The following TCHP variants were observed in gnomAD, a reference collection of about 807,000 sequenced individuals.
The protein encoded by TCHP is trichoplein keratin filament binding.
In TCHP, 81 loss-of-function variants were observed where a neutral mutation model predicts 88.7. The observed-to-expected ratio is 0.91, with a 90% CI of 0.76 to 1.10. The LOEUF is 1.10. Ranked by LOEUF, TCHP falls within the 50% of genes least tolerant of loss-of-function variation. The probability of loss-of-function intolerance (pLI) is 0.00; values close to 1 mark genes in which losing one functional copy is unlikely to be tolerated. For missense variants in TCHP, 641 were observed against 632.1 expected (o/e 1.01, Z -0.15); for synonymous variants, 232 against 232.5 (o/e 1.00, Z 0.02).
At chr12:109,902,969 G>A (rs1869887397) in intron 1 of TCHP, 58 bp from the exon 2 acceptor site, 1 of 1,484,118 alleles carries the variant, frequency 6.7e-7, no homozygotes, top group Non-Finnish European at 9.1e-7. Flanking sequence ...ATGAGGCCAA[G>A]CTGGTGAGGG....
At chr12:109,890,511 A>ATT in the TCHP span, among the ~76,000 whole-genome samples, 2 of 137,390 alleles carry the variant, frequency 1.5e-5, no homozygotes, top group Admixed American at 7.3e-5. Flanking sequence ...TCTTTTTTCT[A>ATT]TTTTTTTTTT....
At position 109,908,642 on chromosome 12, in the gene TCHP, G is replaced by A. The variant is rs1320835032; in HGVS notation, c.756G>A (p.Glu252=). 1.2e-6 allele frequency: 2 copies of A among 1,602,270 alleles called. No homozygotes were observed. The highest frequency in any genetic ancestry group is 1.1e-5 in the South Asian group (1 of 88,262). ...TGTTGAAGCAGCGGTGGGAGCTAGA[G>A]AGGCTGGAGGAAGAGCGAAAGCAGA... ...ENLLKQRWEL[E]RLEEERKQME... Residue 252 remains glutamate, a synonymous_variant, in exon 7 of 13, where the codon GAG becomes GAA. Coordinates refer to ENST00000405876, the MANE Select transcript of TCHP (RefSeq NM_001143852.2).
the TCHP span, among the ~76,000 whole-genome samples, chr12:109,882,334 G>A: frequency 7.3e-5 from 11 of 151,708 alleles, no homozygotes. Flanking sequence ...TCAGGAGGCT[G>A]AGGCAGGGAG....
intron 12 of TCHP, 104 bp downstream of exon 12, chr12:109,915,650 G>T: frequency 7.6e-7 from 1 of 1,320,446 alleles, no homozygotes; most frequent in Non-Finnish European, 1.0e-6. Flanking sequence ...TCTGCTCTCC[G>T]GCCGTCCGGG....
In TCHP at chr12:109,914,489, C is replaced by A. The variant is rs373009867; in HGVS notation, c.1182C>A (p.Asn394Lys). 26 of 1,614,140 alleles carry A rather than the reference C, an allele frequency of 1.6e-5. No individual in the cohort carries two copies. The highest frequency in any genetic ancestry group is 3.3e-4 in the Middle Eastern group (2 of 6,054). The change falls in exon 11 of 13, where the codon AAC becomes AAA. Residue 394 changes from asparagine (N) to lysine (K), a missense_variant. By Grantham distance (94) the Asn-to-Lys change is moderately conservative (BLOSUM62 0). Transcript: ENST00000405876. ...AAATACAAGAGAAGATTGAGCAGAA[C>A]CGACGGGCACAAGAGGAATCCCTGA... Reference protein sequence around the residue: ...QQQIQEKIEQNRRAQEESLKH... With the variant: ...QQQIQEKIEQKRRAQEESLKH...
In TCHP at chr12:109,908,703, G is replaced by T. The variant is rs1565911016; in HGVS notation, c.812+5G>T. ...CCGGCAGAAGGCAGAGCTGGGGTGTGTGTCAGAAGGGCCCCCCACTCTTCC... is the reference window on the plus strand; with the variant it reads ...CCGGCAGAAGGCAGAGCTGGGGTGTTTGTCAGAAGGGCCCCCCACTCTTCC... On this transcript the variant is annotated splice_donor_5th_base_variant and intron_variant, in intron 7 of 12. Transcript: ENST00000405876. The T allele has an allele frequency of 1.9e-6, 3 of 1,588,046 alleles. No individual in the cohort carries two copies. Among genetic ancestry groups the T allele is most frequent in the Admixed American group, 1.9e-5 (1 of 53,720 alleles).
intron 11 of TCHP, 64 bp from the exon 12 acceptor site, chr12:109,915,339 T>C (rs538436494): frequency 6.2e-7 from 1 of 1,611,636 alleles, no homozygotes; most frequent in Non-Finnish European, 8.5e-7. Context: ...ACCTTCCTCA[T>C]CAGAGGCAGG....
At chr12:109,912,915 A>C (rs1870587476) in intron 9 of TCHP, 76 bp from the exon 10 acceptor site, 4 of 1,220,206 alleles carry the variant, frequency 3.3e-6, no homozygotes, top group Non-Finnish European at 4.8e-6. Flanking sequence ...TGTGCCCTGC[A>C]GCCCTGTCTG....
chr12:109,886,339 T>C, the TCHP span, among the ~76,000 whole-genome samples: 1 of 152,124 alleles, frequency 6.6e-6, no homozygotes. Context: ...GGTTTCACCA[T>C]GTTGGCCAGG....
intron 9 of TCHP, among the ~76,000 whole-genome samples, chr12:109,912,031 T>C (rs1384804341): frequency 2.0e-5 from 3 of 152,136 alleles, no homozygotes; most frequent in African/African-American, 4.8e-5. Flanking sequence ...CCTGACCTTG[T>C]GATCCGCCAG....
Position 109,903,981 on chromosome 12 carries a change from G to A in TCHP, c.233G>A (p.Arg78Lys). ...QREKMKEEKR[R>K]SLEARREKLR... ...GAGAAGATGAAGGAGGAGAAGAGGA[G>A]GAGTCTGGAGGCCCGACGGGAAAAG... The change falls in exon 3 of 13, where the codon AGG (arginine) becomes AAG (lysine). Residue 78 changes from arginine (R) to lysine (K), a missense_variant. By Grantham distance (26) the Arg-to-Lys change is conservative. Transcript: ENST00000405876. The surrounding 1 kb of genome is among the most constrained non-coding windows in gnomAD (Gnocchi z 4.6). The A allele has an allele frequency of 6.2e-7, 1 of 1,611,316 alleles. No individual in the cohort carries two copies. Among genetic ancestry groups the A allele is most frequent in the Non-Finnish European group, 8.5e-7 (1 of 1,179,008 alleles).
At chr12:109,913,134 A>G in intron 10 of TCHP, 62 bp downstream of exon 10, 10 of 1,492,588 alleles carry the variant, frequency 6.7e-6, no homozygotes, top group Admixed American at 1.7e-5. Flanking sequence ...CTGGAAGTCC[A>G]TGGTCAGTCA....
chr12:109,902,153 G>A (rs1456194268), intron 1 of TCHP, among the ~76,000 whole-genome samples: 2 of 152,208 alleles, frequency 1.3e-5, no homozygotes, highest in South Asian at 4.2e-4. Flanking sequence ...CCACAGCTGG[G>A]TGCACGCAGT....
upstream of TCHP, among the ~76,000 whole-genome samples, chr12:109,896,564 T>A (rs1869562752): frequency 6.6e-6 from 1 of 152,190 alleles, no homozygotes; most frequent in South Asian, 2.1e-4. Flanking sequence ...AGATTCCTTT[T>A]TCCTTTGGAG....
chr12:109,898,697 G>A (rs570996395), upstream of TCHP, among the ~76,000 whole-genome samples: 3 of 152,266 alleles, frequency 2.0e-5, no homozygotes, highest in South Asian at 2.1e-4. Flanking sequence ...GTGTGATCAC[G>A]GCTCACTGCA....
chr12:109,902,184 G>GT (rs1457980682), intron 1 of TCHP, among the ~76,000 whole-genome samples: 1 of 152,010 alleles, frequency 6.6e-6, no homozygotes, highest in Admixed American at 6.6e-5. Context: ...TTATGTTTTT[G>GT]TTTTTTTGAG....
chr12:109,899,818 A>G (rs1214358410), upstream of TCHP, among the ~76,000 whole-genome samples: 1 of 151,680 alleles, frequency 6.6e-6, no homozygotes, highest in Non-Finnish European at 1.5e-5. Flanking sequence ...CTTTTTTTTG[A>G]GACAGTGTCT....
chr12:109,893,038 G>A, the TCHP span, among the ~76,000 whole-genome samples: 2 of 152,106 alleles, frequency 1.3e-5, no homozygotes, highest in Non-Finnish European at 2.9e-5. Context: ...ATAAAGCAAG[G>A]GCTTTGGGTG....
the TCHP span, among the ~76,000 whole-genome samples, chr12:109,889,017 A>C: frequency 6.6e-6 from 1 of 151,270 alleles, no homozygotes; most frequent in Admixed American, 6.6e-5. Context: ...GCAACATAGC[A>C]AGGTCCTGTC....
Sources: allele counts gnomAD v4.1 joint callset (sites outside exome capture counted in the v4.1 genomes callset), GRCh38; gene constraint gnomAD v4.1.1; non-coding constraint Gnocchi (gnomAD v3.1); transcripts MANE v1.5; gene names NCBI Gene and HGNC (gene_info 2026-07-23, HGNC 2026-07-21).